The following MARCHF2 variants were observed in gnomAD, a reference collection of about 807,000 sequenced individuals.
MARCHF2 encodes membrane associated ring-CH-type finger 2.
Under a neutral mutation model 24.0 loss-of-function variants are expected in MARCHF2, and 22 were observed. That is an observed-to-expected ratio of 0.92 (90% CI 0.66 to 1.31). The LOEUF is 1.31. Ranked by LOEUF, MARCHF2 falls within the 50% of genes most tolerant of loss-of-function variation. The probability of loss-of-function intolerance (pLI) is 0.00; values close to 1 mark genes in which losing one functional copy is unlikely to be tolerated. For missense variants in MARCHF2, 301 were observed against 335.3 expected, an observed-to-expected ratio of 0.90 and a Z score of 0.80; for synonymous variants, 154 against 153.0, an observed-to-expected ratio of 1.01 and a Z score of -0.05.
Position 8,430,941 on chromosome 19 carries a change from C to T in MARCHF2, c.582+74C>T. On this transcript the variant is annotated intron_variant, in intron 4 of 4. Transcript: ENST00000215555. This position sits in a 1 kb window ranked among gnomAD's most constrained non-coding sequence, Gnocchi z 4.4. The stretch of plus-strand genomic sequence containing the variant: ...AGCAGCAGGGCCAAGGATTTGGCCC[C>T]TGGCTTGTGGGGCACGGGGCTCCCT... 6.8e-7 allele frequency: 1 copy of T among 1,459,866 alleles called. No homozygotes were observed. The allele number at this position is 1,459,866 out of a possible 1,614,324, so 90.4% of individuals were successfully genotyped here. A position where few individuals can be genotyped will look rare whatever the true frequency, so the allele number is the denominator to read the frequency against.
chr19:8,431,806 C>G (rs535244876), intron 4 of MARCHF2, among the ~76,000 whole-genome samples: 1 of 152,136 alleles, frequency 6.6e-6, no homozygotes, highest in African/African-American at 2.4e-5. Context: ...CCACTGCACT[C>G]CAGCCTGGGC....
chr19:8,426,383 G>A (rs571895743), intron 2 of MARCHF2, among the ~76,000 whole-genome samples: 1 of 152,016 alleles, frequency 6.6e-6, no homozygotes, highest in African/African-American at 2.4e-5. Flanking sequence ...TCCCTGGGAA[G>A]GGAACACATC....
chr19:8,428,032 G>A (rs537781656), intron 3 of MARCHF2, among the ~76,000 whole-genome samples: 55 of 152,106 alleles, frequency 3.6e-4, no homozygotes, highest in Non-Finnish European at 5.7e-4. Context: ...AGGCCGAGGC[G>A]GGCGGATCAC....
At chr19:8,421,473 C>T (rs560149922) in intron 1 of MARCHF2, among the ~76,000 whole-genome samples, 35 of 150,716 alleles carry the variant, frequency 2.3e-4, no homozygotes, top group Admixed American at 1.4e-3. Context: ...GTGATCCACC[C>T]GCCTCAGCCT....
intron 2 of MARCHF2, among the ~76,000 whole-genome samples, 199 bp downstream of exon 2, chr19:8,422,215 G>A (rs1967266993): frequency 6.6e-6 from 1 of 152,108 alleles, no homozygotes; most frequent in African/African-American, 2.4e-5. Flanking sequence ...AGGAAAAGCT[G>A]AAATTCCAGA....
chr19:8,435,547 T>C (rs1967692490), intron 4 of MARCHF2, among the ~76,000 whole-genome samples: 1 of 152,058 alleles, frequency 6.6e-6, no homozygotes, highest in South Asian at 2.1e-4. Context: ...TTCTTTTGTT[T>C]GTTTGTTTTG....
chr19:8,438,804 A>C lies in MARCHF2; in HGVS notation c.*258A>C, dbSNP rs928855118. On this transcript the variant is annotated 3_prime_UTR_variant, in exon 5 of 5. Coordinates refer to ENST00000215555, the MANE Select transcript of MARCHF2 (RefSeq NM_001005415.2). ...AGCTCTGGACGGAGCAGGCACCCTG[A>C]TCTCATTCTGAGGTCCACATGGCAC... 17 of 367,216 alleles carry C rather than the reference A, an allele frequency of 4.6e-5. No individual in the cohort carries two copies. The highest frequency in any genetic ancestry group is 3.4e-4 in the African/African-American group (16 of 46,560). The allele number at this position is 367,216 out of a possible 1,614,324, so 22.7% of individuals were successfully genotyped here. A position where few individuals can be genotyped will look rare whatever the true frequency, so the allele number is the denominator to read the frequency against.
chr19:8,424,825 G>T (rs1380499239), intron 2 of MARCHF2, among the ~76,000 whole-genome samples: 1 of 152,126 alleles, frequency 6.6e-6, no homozygotes, highest in Non-Finnish European at 1.5e-5. Context: ...GGGAAACAAA[G>T]AATTTTAGGA....
intron 4 of MARCHF2, among the ~76,000 whole-genome samples, chr19:8,435,858 G>GTGTA (rs1967705336): frequency 6.6e-6 from 1 of 151,086 alleles, no homozygotes; most frequent in Admixed American, 6.6e-5. Context: ...GTGTGTGTGT[G>GTGTA]TGTGTGTGGC....
At chr19:8,438,313 G>A (rs1253765195) in intron 4 of MARCHF2, 75 bp from the exon 5 acceptor site, 9 of 1,511,808 alleles carry the variant, frequency 6.0e-6, no homozygotes, top group African/African-American at 1.4e-5. Flanking sequence ...TTGGGCCAAC[G>A]CAGGTGCCAC....
At chr19:8,425,255 G>A (rs1011809552) in intron 2 of MARCHF2, among the ~76,000 whole-genome samples, 6 of 151,840 alleles carry the variant, frequency 4.0e-5, no homozygotes, top group South Asian at 2.1e-4. Flanking sequence ...GGTGGCATGT[G>A]CCTGTAGTCT....
chr19:8,430,688 A>T lies in MARCHF2; in HGVS notation c.403A>T (p.Lys135Ter). The T allele has an allele frequency of 6.2e-7, 1 of 1,610,046 alleles. No individual in the cohort carries two copies. Residue 135 changes from lysine (K) to a stop codon, truncating the protein, a stop_gained, in exon 4 of 5, where the codon AAG (lysine) becomes TAG (stop). Coordinates refer to ENST00000215555, the MANE Select transcript of MARCHF2 (RefSeq NM_001005415.2). LOFTEE classifies it high-confidence loss of function. The surrounding 1 kb of genome is among the most constrained non-coding windows in gnomAD (Gnocchi z 4.4). ...WLKDPGPRTEKRTLCCDMVCF... is the reference protein window; with the variant it reads ...WLKDPGPRTE ...GAAGGACCCGGGGCCGCGGACGGAG[A>T]AGCGGACACTGTGCTGCGACATGGT...
chr19:8,421,129 T>G (rs1272516633), intron 1 of MARCHF2, among the ~76,000 whole-genome samples: 23 of 150,808 alleles, frequency 1.5e-4, no homozygotes, highest in Middle Eastern at 3.4e-3. Context: ...TTTTGGGTTT[T>G]TTTTTTTTTT....
intron 1 of MARCHF2, among the ~76,000 whole-genome samples, chr19:8,415,612 T>C (rs1367504256): frequency 2.7e-5 from 4 of 148,824 alleles, no homozygotes; most frequent in Non-Finnish European, 3.0e-5. Flanking sequence ...TCCCAGCTAC[T>C]CTGGTGGTTG....
chr19:8,436,751 C>T (rs539085911), intron 4 of MARCHF2, among the ~76,000 whole-genome samples: 9 of 146,012 alleles, frequency 6.2e-5, no homozygotes, highest in East Asian at 2.0e-4. Flanking sequence ...GGAGCGATCT[C>T]GGCTTACCGC....
chr19:8,414,088 T>A (rs1336462424), intron 1 of MARCHF2, among the ~76,000 whole-genome samples: 2 of 152,172 alleles, frequency 1.3e-5, no homozygotes. Context: ...AATAACAACC[T>A]CCACATTTAC....
intron 4 of MARCHF2, among the ~76,000 whole-genome samples, chr19:8,431,849 A>G (rs903212360): frequency 2.0e-5 from 3 of 151,770 alleles, no homozygotes; most frequent in African/African-American, 4.8e-5. Context: ...AATAAAAATA[A>G]AAACAAAAAT....
rs1344338425 is a variant in MARCHF2 at position 8,413,328 on chromosome 19, G to T, written c.-145G>T. 2.0e-5 allele frequency: 3 copies of T among 151,922 alleles called. No homozygotes were observed. Among genetic ancestry groups the T allele is most frequent in the Non-Finnish European group, 4.4e-5 (3 of 68,002 alleles). The allele number at this position is 151,922 out of a possible 1,614,324, so 9.4% of individuals were successfully genotyped here. ...CCGGACGCAGGTGCCGGCCGGAGCG[G>T]AGCTAGTGGCGCCGACGGGCCGGGC... On this transcript the variant is annotated 5_prime_UTR_variant, in exon 1 of 5. Transcript: ENST00000215555.
In MARCHF2 at chr19:8,430,815, G is replaced by T. The variant is rs1456665386; in HGVS notation, c.530G>T (p.Gly177Val). 1.9e-6 allele frequency: 3 copies of T among 1,610,796 alleles called. No individual in the cohort carries two copies. The East Asian group carries it at 6.7e-5, about 36-fold the overall frequency. ...LRLHSQLEAV[G>V]LIALTIALFT... Reference sequence around the variant, plus strand: ...CTCCACAGCCAGCTGGAGGCCGTGGGTCTCATTGCCCTCACCATCGCCCTC... The same window carrying T: ...CTCCACAGCCAGCTGGAGGCCGTGGTTCTCATTGCCCTCACCATCGCCCTC... The change falls in exon 4 of 5, where the codon GGT becomes GTT. Residue 177 changes from glycine (G) to valine (V), a missense_variant. Physicochemically the swap from Gly to Val is moderately radical, Grantham distance 109. Transcript: ENST00000215555. The surrounding 1 kb of genome is among the most constrained non-coding windows in gnomAD (Gnocchi z 4.4).
Sources: allele counts gnomAD v4.1 joint callset (sites outside exome capture counted in the v4.1 genomes callset), GRCh38; gene constraint gnomAD v4.1.1; non-coding constraint Gnocchi (gnomAD v3.1); transcripts MANE v1.5; gene names NCBI Gene and HGNC (gene_info 2026-07-23, HGNC 2026-07-21).